Variants in PHF21A observed in about 807,000 individuals in gnomAD.
The protein encoded by PHF21A is PHD finger protein 21A, also known as BHC80a.
PHF21A carries 11 observed loss-of-function variants against 82.5 expected under a neutral mutation model. The observed-to-expected ratio is 0.13, with a 90% CI of 0.08 to 0.22. The LOEUF (loss-of-function observed/expected upper bound fraction) is 0.22, where lower values mean the gene tolerates loss of function less well. Among genes scored for constraint, PHF21A ranks in the 10% least tolerant of loss-of-function variants. PHF21A has a pLI of 1.00. For missense variants in PHF21A, 579 were observed against 837.8 expected (o/e 0.69, Z 3.81); for synonymous variants, 297 against 302.8 (o/e 0.98, Z 0.20).
At chr11:46,101,721 G>A (rs1290610347) in intron 1 of PHF21A, among the ~76,000 whole-genome samples, 1 of 151,934 alleles carries the variant, frequency 6.6e-6, no homozygotes, top group Non-Finnish European at 1.5e-5. Flanking sequence ...TCGCAGCCTC[G>A]ACCTACCAGG....
At chr11:46,017,981 T>C (rs1335149428) in intron 6 of PHF21A, among the ~76,000 whole-genome samples, 1 of 152,196 alleles carries the variant, frequency 6.6e-6, no homozygotes, top group Non-Finnish European at 1.5e-5. Context: ...CCGGGCGCGG[T>C]GGCTCACGCC....
At chr11:46,015,895 C>CATCT (rs35580116) in intron 6 of PHF21A, among the ~76,000 whole-genome samples, 61,121 of 149,390 alleles carry the variant, frequency 0.41, 13,275 homozygotes, top group Non-Finnish European at 0.5. Context: ...GTTTTACAGT[C>CATCT]ATCTATCTAT....
intron 6 of PHF21A, among the ~76,000 whole-genome samples, chr11:46,045,224 A>G (rs2096238537): frequency 6.6e-6 from 1 of 152,142 alleles, no homozygotes; most frequent in Non-Finnish European, 1.5e-5. Flanking sequence ...TCTATACCAC[A>G]TGCTAACTCT....
intron 1 of PHF21A, among the ~76,000 whole-genome samples, chr11:46,104,226 C>A (rs1056869455): frequency 6.6e-6 from 1 of 152,156 alleles, no homozygotes; most frequent in African/African-American, 2.4e-5. Flanking sequence ...CTAGTTGTTA[C>A]ACCCAAGCAT....
At chr11:45,955,787 C>T (rs1334895080) in intron 10 of PHF21A, among the ~76,000 whole-genome samples, 1 of 152,188 alleles carries the variant, frequency 6.6e-6, no homozygotes, top group African/African-American at 2.4e-5. Flanking sequence ...CCAGCTGCCA[C>T]GTTGTGAGCA....
At chr11:46,052,502 AT>A (rs1307051863) in intron 6 of PHF21A, among the ~76,000 whole-genome samples, 1 of 152,014 alleles carries the variant, frequency 6.6e-6, no homozygotes, top group African/African-American at 2.4e-5. Context: ...CTCACTGCCT[AT>A]CAGTTTTCTG....
At chr11:46,020,093 C>T (rs1036376937) in intron 6 of PHF21A, among the ~76,000 whole-genome samples, 7 of 151,852 alleles carry the variant, frequency 4.6e-5, no homozygotes, top group Non-Finnish European at 8.8e-5. Flanking sequence ...TTTATTTATC[C>T]TGGTTAATGA....
In PHF21A at chr11:46,066,802, A is replaced by G. The variant is rs547683826; in HGVS notation, c.153+9952T>C. The stretch of plus-strand genomic sequence containing the variant: ...TCTTGAACCTCACTTCTTAGAGGCA[A>G]TCACTGTGAATGGTTCTGTGTAAAC... On this transcript the variant is annotated intron_variant, in intron 6 of 18. Transcript: ENST00000676320. 2.0e-5 allele frequency among the ~76,000 whole-genome samples: 3 copies of G among 152,366 alleles called. No homozygotes were observed. In the South Asian group the frequency reaches 6.2e-4, roughly 32 times the overall value.
chr11:46,107,076 G>A (rs1477277932), intron 1 of PHF21A, among the ~76,000 whole-genome samples: 2 of 152,222 alleles, frequency 1.3e-5, no homozygotes, highest in African/African-American at 2.4e-5. Context: ...CCAAGTGGGT[G>A]TGGGTACCCT....
At chr11:46,066,853 C>T (rs2096600114) in intron 6 of PHF21A, among the ~76,000 whole-genome samples, 1 of 152,112 alleles carries the variant, frequency 6.6e-6, no homozygotes, top group South Asian at 2.1e-4. Flanking sequence ...AGACTTTTTC[C>T]CATGCATTTT....
intron 6 of PHF21A, among the ~76,000 whole-genome samples, chr11:46,067,190 G>T (rs949024782): frequency 2.6e-5 from 4 of 152,086 alleles, no homozygotes; most frequent in Non-Finnish European, 4.4e-5. Context: ...CTGTAAGGGG[G>T]TCTGCCGGAA....
intron 1 of PHF21A, among the ~76,000 whole-genome samples, chr11:46,118,498 T>C (rs1852024705): frequency 6.6e-6 from 1 of 151,752 alleles, no homozygotes; most frequent in Non-Finnish European, 1.5e-5. Context: ...TGTGCACTAT[T>C]ACTATGCTCT....
chr11:46,058,153 C>CT (rs567675446), intron 6 of PHF21A, among the ~76,000 whole-genome samples: 35 of 152,210 alleles, frequency 2.3e-4, no homozygotes, highest in African/African-American at 6.7e-4. Context: ...TCCCTACATT[C>CT]TACTGCTGCC....
rs183933276 is a variant in PHF21A at position 46,000,928 on chromosome 11, T to A, written c.154-20962A>T. Reference sequence around the variant, plus strand: ...AAAGTGAACCTCCGTCTCAAAAAAATAAATAAATAAATAAATAAATAAATA... The same window carrying A: ...AAAGTGAACCTCCGTCTCAAAAAAAAAAATAAATAAATAAATAAATAAATA... On this transcript the variant is annotated intron_variant, in intron 6 of 18. Coordinates refer to ENST00000676320, the MANE Select transcript of PHF21A (RefSeq NM_001352027.3). Among the ~76,000 whole-genome samples, 219 of 151,352 alleles carry A rather than the reference T, an allele frequency of 1.4e-3. 1 individual carries two copies. Among genetic ancestry groups the A allele is most frequent in the East Asian group, 4.3e-3 (22 of 5,160 alleles).
chr11:45,937,626 G>T (rs751116160), intron 16 of PHF21A, among the ~76,000 whole-genome samples: 2 of 152,076 alleles, frequency 1.3e-5, no homozygotes, highest in Non-Finnish European at 2.9e-5. Context: ...GATTACAGGC[G>T]CCTGCCACCA....
At chr11:46,027,057 T>C (rs938721186) in intron 6 of PHF21A, 1 of 152,094 alleles carries the variant, frequency 6.6e-6, no homozygotes, top group Non-Finnish European at 1.5e-5. Flanking sequence ...TGCACGCAAA[T>C]CATCATTCCT....
At chr11:46,109,111 T>A (rs189357689) in intron 1 of PHF21A, among the ~76,000 whole-genome samples, 2 of 152,316 alleles carry the variant, frequency 1.3e-5, no homozygotes, top group Non-Finnish European at 2.9e-5. Context: ...TAGGTATCTA[T>A]GGGAATTACA....
At chr11:46,037,132 T>C (rs1424612780) in intron 6 of PHF21A, among the ~76,000 whole-genome samples, 1 of 152,228 alleles carries the variant, frequency 6.6e-6, no homozygotes, top group African/African-American at 2.4e-5. Context: ...ACTCATTTTT[T>C]GGTTTTGTTT....
intron 6 of PHF21A, among the ~76,000 whole-genome samples, chr11:46,015,891 CA>C (rs1344225078): frequency 7.7e-6 from 1 of 129,248 alleles, no homozygotes; most frequent in Non-Finnish European, 1.6e-5. Context: ...TGCTGTTTTA[CA>C]GTCATCTATC....
Sources: gnomAD v4.1 joint callset for allele counts (sites outside exome capture counted in the v4.1 genomes callset) on GRCh38, gnomAD v4.1.1 for gene constraint, MANE v1.5 for transcripts, NCBI Gene and HGNC (gene_info 2026-07-23, HGNC 2026-07-21) for gene names.